Variants in LRRC4C observed in about 807,000 individuals in gnomAD.
The protein encoded by LRRC4C is leucine-rich repeat-containing protein 4C.
In LRRC4C, 5 loss-of-function variants were observed where a neutral mutation model predicts 33.6. The ratio of observed to expected loss-of-function variants is 0.15; its 90% confidence interval spans 0.08 to 0.31. The LOEUF is 0.31. LRRC4C is among the 10% of genes least tolerant of loss of function. The pLI, the probability that LRRC4C is intolerant of heterozygous loss-of-function variation, is 1.00. For synonymous variants in LRRC4C, 329 were observed against 302.0 expected (o/e 1.09, Z -0.93); for missense variants, 560 against 796.7 (o/e 0.70, Z 3.58).
intron 2 of LRRC4C, among the ~76,000 whole-genome samples, chr11:40,668,415 A>G (rs1430363978): frequency 5.3e-5 from 8 of 152,218 alleles, no homozygotes; most frequent in African/African-American, 1.9e-4. Flanking sequence ...ACACACACAC[A>G]TAAAAAATGC....
intron 3 of LRRC4C, among the ~76,000 whole-genome samples, chr11:40,614,439 T>C (rs1565560873): frequency 6.6e-6 from 1 of 151,342 alleles, no homozygotes; most frequent in Non-Finnish European, 1.5e-5. Context: ...GAGTGGGTGT[T>C]GAATGTTGTG....
chr11:40,165,311 T>C (rs1859495860), intron 5 of LRRC4C, among the ~76,000 whole-genome samples: 1 of 152,200 alleles, frequency 6.6e-6, no homozygotes, highest in African/African-American at 2.4e-5. Context: ...TGTGCCTTTG[T>C]ATTTGTTTTT....
At chr11:41,149,759 A>G (rs1943907935) in intron 1 of LRRC4C, among the ~76,000 whole-genome samples, 1 of 152,132 alleles carries the variant, frequency 6.6e-6, no homozygotes, top group South Asian at 2.1e-4. Flanking sequence ...TGGTACATGA[A>G]GGTGCAAATA....
intron 1 of LRRC4C, among the ~76,000 whole-genome samples, chr11:41,024,945 G>T (rs1348548854): frequency 1.3e-5 from 2 of 151,340 alleles, no homozygotes; most frequent in Non-Finnish European, 1.5e-5. Context: ...TATCTGTTAT[G>T]GTGATCTGGG....
chr11:41,284,856 T>C (rs550277229), intron 1 of LRRC4C, among the ~76,000 whole-genome samples: 1 of 152,296 alleles, frequency 6.6e-6, no homozygotes, highest in Admixed American at 6.5e-5. Context: ...ATTTCATTCT[T>C]TCTATTCTGT....
chr11:41,166,261 G>A lies in LRRC4C; in HGVS notation c.-495-232538C>T, dbSNP rs1272025866. Among the ~76,000 whole-genome samples the A allele has an allele frequency of 2.0e-5, 3 of 152,142 alleles. No homozygotes were observed. In the East Asian group the frequency reaches 5.8e-4, roughly 29 times the overall value. ...TATATCTGTTTGGTCTTCAATGCCT[G>A]ATAGCACAACCACACATATTTAACT... On this transcript the variant is annotated intron_variant, in intron 1 of 6. Coordinates refer to ENST00000528697, the MANE Select transcript of LRRC4C (RefSeq NM_001258419.2).
chr11:41,441,170 C>T (rs770235266), intron 1 of LRRC4C, among the ~76,000 whole-genome samples: 1 of 152,110 alleles, frequency 6.6e-6, no homozygotes, highest in Non-Finnish European at 1.5e-5. Flanking sequence ...TTTGCCAGGA[C>T]TATAACTGAA....
intron 1 of LRRC4C, among the ~76,000 whole-genome samples, chr11:40,987,680 AT>A (rs1853157491): frequency 3.2e-5 from 1 of 31,632 alleles, no homozygotes; most frequent in South Asian, 1.2e-3. Flanking sequence ...TAAATGATAT[AT>A]ATATATATAT....
At chr11:41,011,241 A>T (rs1855156054) in intron 1 of LRRC4C, among the ~76,000 whole-genome samples, 1 of 152,116 alleles carries the variant, frequency 6.6e-6, no homozygotes, top group African/African-American at 2.4e-5. Context: ...ACTACTTCAT[A>T]GATATTTACC....
At chr11:40,955,891 A>G (rs911539187) in intron 1 of LRRC4C, among the ~76,000 whole-genome samples, 5 of 151,808 alleles carry the variant, frequency 3.3e-5, no homozygotes, top group African/African-American at 4.8e-5. Context: ...CACATGGGAG[A>G]CAAATTGCTT....
intron 1 of LRRC4C, among the ~76,000 whole-genome samples, chr11:41,131,519 C>T (rs953795867): frequency 1.3e-5 from 2 of 151,922 alleles, no homozygotes; most frequent in African/African-American, 2.4e-5. Context: ...GTTTGTTATA[C>T]GTGCTTGAAA....
chr11:41,326,480 T>C (rs1951121963), intron 1 of LRRC4C, among the ~76,000 whole-genome samples: 1 of 152,134 alleles, frequency 6.6e-6, no homozygotes, highest in East Asian at 1.9e-4. Context: ...CCCCTTCATA[T>C]ATACATCTAT....
intron 3 of LRRC4C, among the ~76,000 whole-genome samples, chr11:40,394,857 CA>C (rs374577508): frequency 1.9e-3 from 288 of 152,256 alleles, no homozygotes; most frequent in Non-Finnish European, 2.9e-3. Flanking sequence ...CTACGATTTT[CA>C]GAAATGTAAT....
chr11:41,383,090 C>A (rs1249567835), intron 1 of LRRC4C, among the ~76,000 whole-genome samples: 1 of 152,096 alleles, frequency 6.6e-6, no homozygotes, highest in Non-Finnish European at 1.5e-5. Flanking sequence ...GACACCAAGA[C>A]AGCTTGTGCA....
intron 2 of LRRC4C, among the ~76,000 whole-genome samples, chr11:40,668,310 G>A (rs1943921049): frequency 6.6e-6 from 1 of 152,162 alleles, no homozygotes. Context: ...AAAGAGTTAT[G>A]TTTGATAACT....
At chr11:40,386,887 A>G (rs2137409047) in intron 3 of LRRC4C, among the ~76,000 whole-genome samples, 1 of 152,250 alleles carries the variant, frequency 6.6e-6, no homozygotes, top group African/African-American at 2.4e-5. Context: ...CCTTGGGTTT[A>G]TCATTCTAGA....
At chr11:40,537,702 C>T (rs546856887) in intron 3 of LRRC4C, among the ~76,000 whole-genome samples, 93 of 152,180 alleles carry the variant, frequency 6.1e-4, no homozygotes, top group African/African-American at 2.2e-3. Context: ...CTCTCAGCTC[C>T]TAAAGACAAA....
At chr11:40,238,307 A>T (rs1865703330) in intron 5 of LRRC4C, among the ~76,000 whole-genome samples, 1 of 152,268 alleles carries the variant, frequency 6.6e-6, no homozygotes, top group South Asian at 2.1e-4. Flanking sequence ...AATATCTGTA[A>T]GTTTTGAATG....
At chr11:41,222,294 G>A (rs901000455) in intron 1 of LRRC4C, among the ~76,000 whole-genome samples, 3 of 152,150 alleles carry the variant, frequency 2.0e-5, no homozygotes, top group African/African-American at 7.2e-5. Flanking sequence ...CTGGTGATAG[G>A]CAAGGGTTAC....
Sources: gnomAD v4.1 joint callset for allele counts (sites outside exome capture counted in the v4.1 genomes callset) on GRCh38, gnomAD v4.1.1 for gene constraint, MANE v1.5 for transcripts, NCBI Gene and HGNC (gene_info 2026-07-23, HGNC 2026-07-21) for gene names.